The following ULK4 variants were observed in gnomAD, a reference collection of about 807,000 sequenced individuals.
ULK4 encodes unc-51 like kinase 4, also known as inactive serine/threonine-protein kinase ULK4.
In ULK4, 133 loss-of-function variants were observed where a neutral mutation model predicts 160.6. That is an observed-to-expected ratio of 0.83 (90% confidence interval 0.72 to 0.96). The LOEUF is 0.96. Ranked by LOEUF, ULK4 falls within the 40% of genes least tolerant of loss-of-function variation. The pLI, the probability that ULK4 is intolerant of heterozygous loss-of-function variation, is 0.00. For missense variants in ULK4, 1,580 were observed against 1,499.5 expected, an observed-to-expected ratio of 1.05 and a Z score of -0.89; for synonymous variants, 534 against 539.8, an observed-to-expected ratio of 0.99 and a Z score of 0.15.
At chr3:41,454,799 TCTC>T (rs1575243803) in intron 34 of ULK4, among the ~76,000 whole-genome samples, 1 of 151,880 alleles carries the variant, frequency 6.6e-6, no homozygotes, top group East Asian at 2.0e-4. Context: ...TTCAAGTGAT[TCTC>T]CTGACTCAGC....
At chr3:41,479,371 T>C (rs2084242978) in intron 32 of ULK4, among the ~76,000 whole-genome samples, 1 of 152,208 alleles carries the variant, frequency 6.6e-6, no homozygotes, top group South Asian at 2.1e-4. Context: ...AAGTAAGGAA[T>C]AGTCCCTTCC....
rs563543377 is a variant in ULK4, at chr3:41,431,547, C to CCTTTTTTTTTTTTTTTTTTTTTTTTTT, written c.3492+23949_3492+23950insAAAAAAAAAAAAAAAAAAAAAAAAAAG. ...CCTGTGAGGTGTTGTAATTCCCTCC[C>CCTTTTTTTTTTTTTTTTTTTTTTTTTT]TTTTTTTTTTTTTTTGATGTGGAAA... On this transcript the variant is annotated intron_variant, in intron 34 of 36. Transcript: ENST00000301831. 3.3e-4 allele frequency among the ~76,000 whole-genome samples: 32 copies of CCTTTTTTTTTTTTTTTTTTTTTTTTTT among 95,868 alleles called. 1 individual carries two copies. The highest frequency in any genetic ancestry group is 5.1e-4 in the African/African-American group (12 of 23,688). The allele number at this position is 95,868 out of a possible 152,430, so 62.9% of individuals were successfully genotyped here. A position where few individuals can be genotyped will look rare whatever the true frequency, so the allele number is the denominator to read the frequency against.
chr3:41,896,085 GA>G (rs960425108), intron 15 of ULK4, among the ~76,000 whole-genome samples: 1 of 151,880 alleles, frequency 6.6e-6, no homozygotes, highest in African/African-American at 2.4e-5. Flanking sequence ...AGGGGAAGAG[GA>G]AAAAAATGTC....
chr3:41,332,586 G>C (rs964199242), intron 35 of ULK4, among the ~76,000 whole-genome samples: 1 of 152,184 alleles, frequency 6.6e-6, no homozygotes, highest in Non-Finnish European at 1.5e-5. Context: ...AAGAAGGTTA[G>C]TACTTATCTT....
At chr3:41,665,398 T>C (rs146364437) in intron 29 of ULK4, among the ~76,000 whole-genome samples, 3 of 152,242 alleles carry the variant, frequency 2.0e-5, no homozygotes, top group African/African-American at 7.2e-5. Flanking sequence ...TGTGGAGCAT[T>C]TAATACAGAG....
intron 21 of ULK4, among the ~76,000 whole-genome samples, chr3:41,775,730 A>G (rs2039587967): frequency 6.6e-6 from 1 of 150,906 alleles, no homozygotes; most frequent in Non-Finnish European, 1.5e-5. Flanking sequence ...CATTGAAACA[A>G]CATAAATATG....
At chr3:41,720,325 A>G (rs2037407256) in intron 22 of ULK4, among the ~76,000 whole-genome samples, 1 of 152,212 alleles carries the variant, frequency 6.6e-6, no homozygotes, top group Admixed American at 6.5e-5. Flanking sequence ...CTAGTTCTCT[A>G]CAGCAATTCC....
intron 31 of ULK4, among the ~76,000 whole-genome samples, chr3:41,605,454 T>C (rs1454391424): frequency 6.6e-6 from 1 of 152,004 alleles, no homozygotes; most frequent in Non-Finnish European, 1.5e-5. Flanking sequence ...GCAGTGGTGA[T>C]ATTAATATCA....
At chr3:41,572,368 C>T (rs1356924536) in intron 31 of ULK4, among the ~76,000 whole-genome samples, 2 of 152,120 alleles carry the variant, frequency 1.3e-5, no homozygotes, top group African/African-American at 4.8e-5. Context: ...TAATCTAGGG[C>T]TCTAATGGTG....
intron 35 of ULK4, among the ~76,000 whole-genome samples, chr3:41,381,334 C>T (rs2081647602): frequency 6.6e-6 from 1 of 152,240 alleles, no homozygotes; most frequent in African/African-American, 2.4e-5. Flanking sequence ...CACATTCAAG[C>T]ATTCCACATT....
chr3:41,316,808 C>T (rs560191496), intron 35 of ULK4, among the ~76,000 whole-genome samples: 46 of 152,290 alleles, frequency 3.0e-4, no homozygotes, highest in Non-Finnish European at 4.4e-4. Flanking sequence ...ATGAAGGCAG[C>T]GCCTTTTTTA....
intron 32 of ULK4, among the ~76,000 whole-genome samples, chr3:41,551,199 A>C (rs949337087): frequency 1.3e-5 from 2 of 151,918 alleles, no homozygotes; most frequent in Non-Finnish European, 2.9e-5. Flanking sequence ...GATTTCACAT[A>C]AACAATCTAA....
chr3:41,833,779 A>C (rs2041671363), intron 18 of ULK4, among the ~76,000 whole-genome samples: 1 of 152,042 alleles, frequency 6.6e-6, no homozygotes, highest in Admixed American at 6.6e-5. Flanking sequence ...GGGGGTTTCT[A>C]AATCTAGAAT....
chr3:41,797,255 CAG>C (rs2040327714), intron 20 of ULK4, among the ~76,000 whole-genome samples: 1 of 151,596 alleles, frequency 6.6e-6, no homozygotes, highest in African/African-American at 2.4e-5. Flanking sequence ...GAATATGCAA[CAG>C]AGACTGTATA....
chr3:41,709,849 T>C (rs1388358263), intron 25 of ULK4, among the ~76,000 whole-genome samples: 1 of 152,198 alleles, frequency 6.6e-6, no homozygotes, highest in Non-Finnish European at 1.5e-5. Flanking sequence ...CACATGTACG[T>C]AAATGTCTAC....
chr3:41,371,081 G>A (rs1176685761), intron 35 of ULK4, among the ~76,000 whole-genome samples: 1 of 152,190 alleles, frequency 6.6e-6, no homozygotes, highest in African/African-American at 2.4e-5. Flanking sequence ...ACTGTGGTCA[G>A]ACTGCCTCTC....
intron 35 of ULK4, among the ~76,000 whole-genome samples, chr3:41,392,707 G>A (rs909625079): frequency 1.3e-5 from 2 of 152,120 alleles, no homozygotes; most frequent in Non-Finnish European, 2.9e-5. Context: ...TGTGCTCCTG[G>A]TGGGAGTGTG....
intron 32 of ULK4, among the ~76,000 whole-genome samples, chr3:41,522,821 GGCCAGCTGTGT>G (rs1343737254): frequency 6.6e-6 from 1 of 152,286 alleles, no homozygotes; most frequent in Middle Eastern, 3.4e-3. Context: ...CAGGGAACTT[GGCCAGCTGTGT>G]GCCAGCTGTG....
At chr3:41,599,564 T>G (rs1249663210) in intron 31 of ULK4, among the ~76,000 whole-genome samples, 2 of 126,912 alleles carry the variant, frequency 1.6e-5, no homozygotes, top group Non-Finnish European at 3.3e-5. Flanking sequence ...ATTTTCTTTT[T>G]CTTTTTTTTT....
Sources: allele counts gnomAD v4.1 joint callset (sites outside exome capture counted in the v4.1 genomes callset), GRCh38; gene constraint gnomAD v4.1.1; transcripts MANE v1.5; gene names NCBI Gene and HGNC (gene_info 2026-07-23, HGNC 2026-07-21).